The following LMX1A variants were observed in gnomAD, a reference collection of about 807,000 sequenced individuals.
LMX1A encodes the protein LIM homeobox transcription factor 1 alpha.
In LMX1A, 15 loss-of-function variants were observed where a neutral mutation model predicts 49.1. The observed-to-expected ratio is 0.31, with a 90% CI of 0.20 to 0.47. LMX1A has a LOEUF of 0.47. LMX1A is among the 20% of genes least tolerant of loss of function. The probability of loss-of-function intolerance (pLI) is 1.00; values close to 1 mark genes in which losing one functional copy is unlikely to be tolerated. For missense variants in LMX1A, 372 were observed against 475.8 expected (o/e 0.78, Z 2.03); for synonymous variants, 167 against 185.7 (o/e 0.90, Z 0.82).
At chr1:165,273,340 A>C (rs984661618) in intron 3 of LMX1A, among the ~76,000 whole-genome samples, 1 of 152,206 alleles carries the variant, frequency 6.6e-6, no homozygotes, top group South Asian at 2.1e-4. Context: ...CTTCTCAAGC[A>C]ACCCAATATC....
chr1:165,230,200 G>C (rs1016057260), intron 4 of LMX1A, among the ~76,000 whole-genome samples: 3 of 152,172 alleles, frequency 2.0e-5, no homozygotes, highest in Non-Finnish European at 4.4e-5. Context: ...AATTTCAGTT[G>C]TTTATAAGCC....
chr1:165,225,881 G>T (rs1179085662), intron 4 of LMX1A, among the ~76,000 whole-genome samples: 1 of 152,206 alleles, frequency 6.6e-6, no homozygotes, highest in Admixed American at 6.5e-5. Context: ...AAGGAGATTG[G>T]GTAAGAGCTT....
At chr1:165,242,929 C>CAAAAAAAAAAAAA (rs35937155) in intron 4 of LMX1A, among the ~76,000 whole-genome samples, 48 of 115,148 alleles carry the variant, frequency 4.2e-4, no homozygotes, top group Non-Finnish European at 4.1e-4. Flanking sequence ...AACTCCACCT[C>CAAAAAAAAAAAAA]AAAAAAAAAA....
chr1:165,289,136 G>A (rs1178667546), intron 3 of LMX1A, among the ~76,000 whole-genome samples: 1 of 151,972 alleles, frequency 6.6e-6, no homozygotes, highest in Non-Finnish European at 1.5e-5. Flanking sequence ...ATGATTATAT[G>A]TCCATCTGGA....
intron 3 of LMX1A, among the ~76,000 whole-genome samples, chr1:165,336,022 A>G (rs1256699389): frequency 6.6e-6 from 1 of 152,220 alleles, no homozygotes; most frequent in East Asian, 1.9e-4. Flanking sequence ...CAAGTAAATT[A>G]TTAGTATAAT....
chr1:165,208,661 C>T (rs1445364742), intron 6 of LMX1A, among the ~76,000 whole-genome samples: 2 of 150,676 alleles, frequency 1.3e-5, no homozygotes, highest in Non-Finnish European at 2.9e-5. Flanking sequence ...ATTTTTGAGA[C>T]GGAGTCTCGC....
chr1:165,334,849 T>C (rs1655854262), intron 3 of LMX1A, among the ~76,000 whole-genome samples: 1 of 151,072 alleles, frequency 6.6e-6, no homozygotes. Context: ...GAATGCCCAG[T>C]CTCTGGCCAC....
chr1:165,335,719 T>C (rs1011854314), intron 3 of LMX1A, among the ~76,000 whole-genome samples: 1 of 152,198 alleles, frequency 6.6e-6, no homozygotes, highest in African/African-American at 2.4e-5. Context: ...TTTAAGTTCA[T>C]CAGTCAGTTT....
chr1:165,249,214 A>G (rs1478563832), intron 4 of LMX1A, among the ~76,000 whole-genome samples, 194 bp downstream of exon 4: 2 of 152,206 alleles, frequency 1.3e-5, no homozygotes, highest in African/African-American at 4.8e-5. Flanking sequence ...GTTATGCACC[A>G]TTGTCATGGT....
chr1:165,270,012 A>C (rs1181097387), intron 3 of LMX1A, among the ~76,000 whole-genome samples: 1 of 152,158 alleles, frequency 6.6e-6, no homozygotes, highest in Non-Finnish European at 1.5e-5. Flanking sequence ...TTATGTAACA[A>C]ACCTGCAAAT....
At chr1:165,345,253 C>T (rs1053633779) in intron 3 of LMX1A, among the ~76,000 whole-genome samples, 2 of 152,188 alleles carry the variant, frequency 1.3e-5, no homozygotes, top group South Asian at 2.1e-4. Flanking sequence ...TGAGTCAAGG[C>T]GTGGCTGCTG....
In LMX1A at chr1:165,234,131, T is replaced by A. The variant is rs550595939; in HGVS notation, c.496+15277A>T. Among the ~76,000 whole-genome samples, 4 of 152,328 alleles carry A rather than the reference T, an allele frequency of 2.6e-5. No homozygotes were observed. In the South Asian group the frequency reaches 8.3e-4, roughly 32 times the overall value. ...AAGATATACAAAATCCTTCACATTT[T>A]GGCGTTAATCTTACTCTCACTCACA... On this transcript the variant is annotated intron_variant, in intron 4 of 8. Transcript: ENST00000342310.
intron 4 of LMX1A, among the ~76,000 whole-genome samples, chr1:165,243,293 G>A (rs1168303893): frequency 6.6e-6 from 1 of 152,160 alleles, no homozygotes; most frequent in South Asian, 2.1e-4. Context: ...GATAAGAGGG[G>A]TAGATAAGTA....
chr1:165,334,977 G>A (rs1289697406), intron 3 of LMX1A, among the ~76,000 whole-genome samples: 2 of 152,276 alleles, frequency 1.3e-5, no homozygotes, highest in Middle Eastern at 3.4e-3. Context: ...AATTCTTCCC[G>A]CAAGTCCTGA....
At chr1:165,297,868 C>CA (rs1654660957) in intron 3 of LMX1A, among the ~76,000 whole-genome samples, 1 of 152,214 alleles carries the variant, frequency 6.6e-6, no homozygotes, top group African/African-American at 2.4e-5. Context: ...GCAAGTCATT[C>CA]AGCCTCTCAG....
At chr1:165,321,817 G>C (rs1655394367) in intron 3 of LMX1A, among the ~76,000 whole-genome samples, 2 of 152,064 alleles carry the variant, frequency 1.3e-5, no homozygotes, top group South Asian at 4.1e-4. Flanking sequence ...AAAATGAAAA[G>C]ACAACCCACA....
intron 3 of LMX1A, among the ~76,000 whole-genome samples, chr1:165,319,130 T>C (rs942892043): frequency 6.6e-6 from 1 of 151,946 alleles, no homozygotes; most frequent in African/African-American, 2.4e-5. Context: ...TTTTAATCAG[T>C]TGAAAGACAT....
chr1:165,295,755 G>A (rs983519625), intron 3 of LMX1A, among the ~76,000 whole-genome samples: 13 of 152,250 alleles, frequency 8.5e-5, no homozygotes, highest in Admixed American at 7.8e-4. Flanking sequence ...TGTTTAAGGA[G>A]AGGATTCCCC....
rs1177053915 is a variant in LMX1A at position 165,355,799 on chromosome 1, G to A, written c.-22-218C>T. ...ATTTCACTTGAAGTCAACACGTTAT[G>A]TACTTAGGCCTCCGCCCCCCAACTG... On this transcript the variant is annotated intron_variant, in intron 1 of 8. Coordinates refer to ENST00000342310, the MANE Select transcript of LMX1A (RefSeq NM_177398.4). This position sits in a 1 kb window ranked among gnomAD's most constrained non-coding sequence, Gnocchi z 4.7. 5 of 553,624 alleles carry A rather than the reference G, an allele frequency of 9.0e-6. No homozygotes were observed. Among genetic ancestry groups the A allele is most frequent in the African/African-American group, 1.9e-5 (1 of 52,758 alleles). The allele number at this position is 553,624 out of a possible 1,614,324, so 34.3% of individuals were successfully genotyped here.
Sources: gnomAD v4.1 joint callset for allele counts (sites outside exome capture counted in the v4.1 genomes callset) on GRCh38, gnomAD v4.1.1 for gene constraint, Gnocchi (gnomAD v3.1) non-coding constraint, MANE v1.5 for transcripts, NCBI Gene and HGNC (gene_info 2026-07-23, HGNC 2026-07-21) for gene names.